Variants in LMF1 observed in about 807,000 individuals in gnomAD.
The protein encoded by LMF1 is lipase maturation factor 1.
LMF1 carries 68 observed loss-of-function variants against 60.6 expected under a neutral mutation model. That is an observed-to-expected ratio of 1.12 (90% confidence interval 0.92 to 1.37). The LOEUF is 1.37. Among genes scored for constraint, LMF1 ranks in the 40% most tolerant of loss-of-function variants. The pLI, the probability that LMF1 is intolerant of heterozygous loss-of-function variation, is 0.00. For synonymous variants in LMF1, 418 were observed against 324.7 expected (o/e 1.29, Z -3.09); for missense variants, 948 against 767.2 (o/e 1.24, Z -2.78).
upstream of LMF1, among the ~76,000 whole-genome samples, chr16:974,518 AGAG>A (rs992607380): frequency 1.6e-4 from 24 of 152,196 alleles, no homozygotes; most frequent in Non-Finnish European, 2.9e-4. Context: ...GACGCTGAGA[AGAG>A]GAGGAGAATG....
At chr16:934,070 C>G (rs1356650023) in intron 3 of LMF1, 174 bp downstream of exon 3, 1 of 1,517,930 alleles carries the variant, frequency 6.6e-7, no homozygotes, top group Non-Finnish European at 8.8e-7. Context: ...CTCCCACATC[C>G]AGGGAGGAGG....
At position 977,223 on chromosome 16, in the gene LMF1, A is replaced by C. The variant is rs543244739; in HGVS notation, c.-135+3922T>G. On this transcript the variant is annotated intron_variant, in intron 1 of 6. Coordinates refer to the LMF1 transcript ENST00000570014. ...AGCCAACAGGCCAGCCTTGACCCAA[A>C]CCGGAACTCGTGCCCCAGCTGGCAC... 106 of 399,468 alleles carry C rather than the reference A, an allele frequency of 2.7e-4. 5 individuals carry two copies. The highest frequency in any genetic ancestry group is 1.9e-3 in the South Asian group (102 of 54,720). 24.7% of individuals were successfully genotyped at this position (399,468 alleles called of 1,614,324 possible). A position where few individuals can be genotyped will look rare whatever the true frequency, so the allele number is the denominator to read the frequency against.
At chr16:947,994 C>A (rs505035) in intron 2 of LMF1, among the ~76,000 whole-genome samples, 5 of 136,084 alleles carry the variant, frequency 3.7e-5, no homozygotes, top group Admixed American at 7.4e-5. Context: ...AGAGTCAGAG[C>A]CAACGACAGA....
At chr16:981,165 G>A (rs758570736) in exon 1 of LMF1, 1 of 453,812 alleles carries the variant, frequency 2.2e-6, no homozygotes, top group South Asian at 1.6e-5. Flanking sequence ...GCTGTCCGCA[G>A]ACTCTGGACG....
rs761881874 is a variant in LMF1 at position 871,226 on chromosome 16, C to G, written c.1013G>C (p.Ser338Thr). 1.2e-6 allele frequency: 2 copies of G among 1,611,986 alleles called. No homozygotes were observed. The highest frequency in any genetic ancestry group is 3.3e-5 in the Admixed American group (2 of 59,942). The change falls in exon 7 of 11, where the codon AGC (serine) becomes ACC (threonine). Residue 338 changes from serine to threonine, a missense_variant. Ser to Thr is a moderately conservative substitution (Grantham distance 58). Transcript: ENST00000262301. ...LGFLFPSGPG[S>T]LKDRVLQMQR... Reference sequence around the variant, plus strand: ...CATCTGCAGAACTCGGTCCTTCAGGCTGCCTGGCCCAGAGGGGAACAAGAA... The same window carrying G: ...CATCTGCAGAACTCGGTCCTTCAGGGTGCCTGGCCCAGAGGGGAACAAGAA...
At chr16:885,369 C>A (rs1240639332) in intron 5 of LMF1, among the ~76,000 whole-genome samples, 1 of 152,154 alleles carries the variant, frequency 6.6e-6, no homozygotes, top group Non-Finnish European at 1.5e-5. Context: ...AATCGCAAGA[C>A]AACAGGCTGA....
intron 3 of LMF1, among the ~76,000 whole-genome samples, chr16:911,647 ATGGGGGGGCAGCACTGGGGGGGCAGCAC>A (rs1415428042): frequency 3.5e-5 from 1 of 28,590 alleles, no homozygotes; most frequent in African/African-American, 2.4e-4. Context: ...GGAGGCAGCA[ATGGGGGGGCAGCACTGGGGGGGCAGCAC>A]TGGGGGAGCA....
intron 3 of LMF1, among the ~76,000 whole-genome samples, chr16:923,200 G>A (rs1002345387): frequency 2.6e-5 from 4 of 152,204 alleles, no homozygotes; most frequent in African/African-American, 9.7e-5. Context: ...ATGCAGGAAT[G>A]TGATGCCTGG....
chr16:872,000 G>C (rs973540109), intron 6 of LMF1: 2 of 152,298 alleles, frequency 1.3e-5, no homozygotes, highest in African/African-American at 4.8e-5. Flanking sequence ...GAGGGACTCA[G>C]AGGGACCCGC....
intron 3 of LMF1, among the ~76,000 whole-genome samples, chr16:924,227 G>A (rs191539914): frequency 1.3e-5 from 2 of 152,134 alleles, no homozygotes; most frequent in Non-Finnish European, 2.9e-5. Flanking sequence ...GTCTAACCGT[G>A]GTATGCGAAG....
At position 925,661 on chromosome 16, in the gene LMF1, C is replaced by A. The variant is rs575342299; in HGVS notation, c.514+8583G>T. On this transcript the variant is annotated intron_variant, in intron 3 of 10. Coordinates refer to ENST00000262301, the MANE Select transcript of LMF1 (RefSeq NM_022773.4). ...GAGGTGGGAGGATCACTTGAGTCTGCGGAGGTCGAGGCTGCAATGAGCCGT... is the reference window on the plus strand; with the variant it reads ...GAGGTGGGAGGATCACTTGAGTCTGAGGAGGTCGAGGCTGCAATGAGCCGT... Among the ~76,000 whole-genome samples the A allele has an allele frequency of 4.6e-5, 7 of 152,028 alleles. 1 individual carries two copies. The highest frequency in any genetic ancestry group is 1.4e-4 in the African/African-American group (6 of 41,382).
rs1026508405 is a variant in LMF1 at position 874,818 on chromosome 16, G to A, written c.898-3477C>T. Among the ~76,000 whole-genome samples, 10 of 152,130 alleles carry A rather than the reference G, an allele frequency of 6.6e-5. No individual in the cohort carries two copies. Among genetic ancestry groups the A allele is most frequent in the Non-Finnish European group, 1.0e-4 (7 of 67,996 alleles). ...TCTCAGGGCACTCGGCTGTCACAGC[G>A]CGGCACAGGGGAGTACGCAGCCCCA... is the stretch of plus-strand genomic sequence containing the variant. On this transcript the variant is annotated intron_variant, in intron 6 of 10. Coordinates refer to ENST00000262301, the MANE Select transcript of LMF1 (RefSeq NM_022773.4). This position sits in a 1 kb window ranked among gnomAD's most constrained non-coding sequence, Gnocchi z 4.1.
intron 6 of LMF1, among the ~76,000 whole-genome samples, chr16:875,133 G>A (rs572723145): frequency 3.9e-5 from 6 of 152,234 alleles, no homozygotes; most frequent in East Asian, 3.9e-4. Flanking sequence ...GACCTCCGAG[G>A]CCTGGAAGGG....
intron 1 of LMF1, among the ~76,000 whole-genome samples, chr16:957,762 A>T (rs1567322651): frequency 6.6e-6 from 1 of 152,208 alleles, no homozygotes; most frequent in Non-Finnish European, 1.5e-5. Flanking sequence ...AATGGAAGAG[A>T]CGGCCCAGAC....
intron 10 of LMF1, among the ~76,000 whole-genome samples, chr16:861,848 T>C (rs2069476905): frequency 6.6e-6 from 1 of 152,224 alleles, no homozygotes; most frequent in African/African-American, 2.4e-5. Context: ...CAGACGTCCT[T>C]TCTTGTTCCG....
At chr16:965,017 G>C (rs997728626) in intron 1 of LMF1, among the ~76,000 whole-genome samples, 12 of 152,228 alleles carry the variant, frequency 7.9e-5, no homozygotes, top group African/African-American at 2.9e-4. Flanking sequence ...CTAGAGGTCG[G>C]ATTTTCAACA....
At chr16:902,814 G>T (rs1203349870) in intron 4 of LMF1, among the ~76,000 whole-genome samples, 1 of 81,658 alleles carries the variant, frequency 1.2e-5, no homozygotes, top group Non-Finnish European at 2.4e-5. Flanking sequence ...GGTGACCTCT[G>T]CACTGCCTGT....
intron 1 of LMF1, among the ~76,000 whole-genome samples, chr16:977,689 G>A (rs763230640): frequency 2.7e-5 from 3 of 112,368 alleles, no homozygotes; most frequent in African/African-American, 4.4e-5. Flanking sequence ...TGGATGGAGG[G>A]GGACGGGGAG....
chr16:933,924 G>C, intron 3 of LMF1: 1 of 1,335,976 alleles, frequency 7.5e-7, no homozygotes. Flanking sequence ...ACACAGCCTT[G>C]AGCGTCCACG....
Sources: allele counts gnomAD v4.1 joint callset (sites outside exome capture counted in the v4.1 genomes callset), GRCh38; gene constraint gnomAD v4.1.1; non-coding constraint Gnocchi (gnomAD v3.1); transcripts MANE v1.5; gene names NCBI Gene and HGNC (gene_info 2026-07-23, HGNC 2026-07-21).